Variants in CD163 observed in about 807,000 individuals in gnomAD.
CD163 encodes CD163 molecule.
A neutral mutation model predicts 129.2 loss-of-function variants in CD163; 64 were observed. That is an observed-to-expected ratio of 0.50 (90% CI 0.41 to 0.61). CD163 has a LOEUF of 0.61. Ranked by LOEUF, CD163 falls within the 20% of genes least tolerant of loss-of-function variation. CD163 has a pLI of 0.00. For missense variants in CD163, 1,061 were observed against 1,377.9 expected (o/e 0.77, Z 3.64); for synonymous variants, 446 against 478.5 (o/e 0.93, Z 0.89).
At position 7,501,453 on chromosome 12, in the gene CD163, T is replaced by G; in HGVS notation, c.143A>C (p.Asp48Ala). The G allele has an allele frequency of 6.2e-7, 1 of 1,613,370 alleles. No homozygotes were observed. The highest frequency in any genetic ancestry group is 8.5e-7 in the Non-Finnish European group (1 of 1,179,508). Residue 48 changes from aspartate to alanine, a missense_variant, in exon 3 of 17, where the codon GAC becomes GCC. Coordinates refer to ENST00000432237, the MANE Select transcript of CD163 (RefSeq NM_203416.4). ...ACCATCCACTAGCCTCAGCTCCTTG[T>G]CTGTTCCTCCTGCAACAATGGATTA... ...CFVTSSLGGTDKELRLVDGEN... is the reference protein window; with the variant it reads ...CFVTSSLGGTAKELRLVDGEN...
chr12:7,489,461 A>G (rs1428161788), intron 6 of CD163, among the ~76,000 whole-genome samples: 1 of 152,078 alleles, frequency 6.6e-6, no homozygotes, highest in Admixed American at 6.6e-5. Context: ...GATCCCTTAC[A>G]TAATTTCTTA....
chr12:7,492,236 A>T (rs1395247557), intron 6 of CD163, among the ~76,000 whole-genome samples: 1 of 152,220 alleles, frequency 6.6e-6, no homozygotes, highest in African/African-American at 2.4e-5. Context: ...CAAAAAGTGC[A>T]CATGGCAAAT....
Position 7,495,415 on chromosome 12 carries a change from ATAAACT to A in CD163, c.1100-20_1100-15del, listed in dbSNP as rs1313361931. 4 of 1,610,718 alleles carry A rather than the reference ATAAACT, an allele frequency of 2.5e-6. No individual in the cohort carries two copies. Among genetic ancestry groups the A allele is most frequent in the Non-Finnish European group, 3.4e-6 (4 of 1,177,138 alleles). The stretch of plus-strand genomic sequence containing the variant: ...GATCTGATCCATCTGCAAAAGAAAC[ATAAACT>A]TAAACCATCGATACATATGGAGGTT... On this transcript the variant is annotated splice_polypyrimidine_tract_variant and intron_variant, in intron 5 of 16. Transcript: ENST00000432237.
intron 13 of CD163, 89 bp downstream of exon 13, chr12:7,482,877 C>A: frequency 6.3e-7 from 1 of 1,584,584 alleles, no homozygotes; most frequent in Non-Finnish European, 8.6e-7. Flanking sequence ...AATATCAAAT[C>A]CTCAGAACGT....
chr12:7,480,229 A>T, intron 15 of CD163: 1 of 375,608 alleles, frequency 2.7e-6, no homozygotes, highest in Non-Finnish European at 4.7e-6. Context: ...TTTGGATGGA[A>T]GAAGTGAGGC....
chr12:7,498,578 T>G (rs1162762263), intron 4 of CD163, among the ~76,000 whole-genome samples: 1 of 152,178 alleles, frequency 6.6e-6, no homozygotes, highest in East Asian at 1.9e-4. Context: ...CTTTTTCCCC[T>G]CTTTTTCTTT....
At position 7,486,553 on chromosome 12, in the gene CD163, C is replaced by A; in HGVS notation, c.2404G>T (p.Gly802Cys). 1.9e-6 allele frequency: 3 copies of A among 1,614,232 alleles called. No homozygotes were observed. Among genetic ancestry groups the A allele is most frequent in the Non-Finnish European group, 2.5e-6 (3 of 1,180,026 alleles). Reference protein sequence around the residue: ...ESRIWQCHSHGWGQQNCRHKE... With the variant: ...ESRIWQCHSHCWGQQNCRHKE... The stretch of plus-strand genomic sequence containing the variant: ...TGCCTGCAATTTTGCTGCCCCCAGC[C>A]GTGTGAATGGCACTGCCAAATGCGG... The change falls in exon 10 of 17, where the codon GGC (glycine) becomes TGC (cysteine). Residue 802 changes from glycine to cysteine, a missense_variant. Gly to Cys is a radical substitution (Grantham distance 159, BLOSUM62 -3). Transcript: ENST00000432237.
At chr12:7,502,729 A>C in intron 1 of CD163, 165 bp from the exon 2 acceptor site, 1 of 647,178 alleles carries the variant, frequency 1.5e-6, no homozygotes. Context: ...AGGCTCATAT[A>C]GTTTCAGTGA....
intron 10 of CD163, among the ~76,000 whole-genome samples, chr12:7,486,190 A>C (rs547904573): frequency 9.7e-4 from 147 of 152,320 alleles, no homozygotes; most frequent in Non-Finnish European, 1.7e-3. Flanking sequence ...TGTAATTATC[A>C]AGTGTTGCTA....
chr12:7,495,346 T>A lies in CD163; in HGVS notation c.1155A>T (p.Thr385=). Residue 385 remains threonine, a synonymous_variant, in exon 6 of 17, where the codon ACA becomes ACT. Transcript: ENST00000432237. The stretch of plus-strand genomic sequence containing the variant: ...ACAGTCTCTGAATCTCCACCTCAAC[T>A]GTCCCAGCACAGCGGCTGCCTCCAC... ...LRGGGSRCAG[T]VEVEIQRLLG... The A allele has an allele frequency of 1.9e-6, 3 of 1,614,138 alleles. No individual in the cohort carries two copies. The highest frequency in any genetic ancestry group is 2.5e-6 in the Non-Finnish European group (3 of 1,180,000).
chr12:7,482,058 A>T (rs2136696415), intron 14 of CD163, among the ~76,000 whole-genome samples: 1 of 152,254 alleles, frequency 6.6e-6, no homozygotes, highest in African/African-American at 2.4e-5. Flanking sequence ...AAATGGCTAC[A>T]TTGTAGTGTA....
At chr12:7,476,894 G>A (rs1007863838) in intron 16 of CD163, among the ~76,000 whole-genome samples, 24 of 151,830 alleles carry the variant, frequency 1.6e-4, no homozygotes, top group Non-Finnish European at 3.2e-4. Flanking sequence ...ATCTACAAGA[G>A]AAACACAAAC....
At chr12:7,473,823 G>A (rs1404245699) in intron 16 of CD163, among the ~76,000 whole-genome samples, 2 of 152,064 alleles carry the variant, frequency 1.3e-5, no homozygotes, top group African/African-American at 2.4e-5. Context: ...GCTGTATTCA[G>A]GAGACCCACC....
chr12:7,475,113 A>G (rs1030013489), intron 16 of CD163, among the ~76,000 whole-genome samples: 2 of 150,436 alleles, frequency 1.3e-5, no homozygotes, highest in African/African-American at 4.9e-5. Flanking sequence ...AAAAAAAAAA[A>G]AAAAACCATG....
intron 5 of CD163, 105 bp from the exon 6 acceptor site, chr12:7,495,506 A>T: frequency 5.3e-6 from 5 of 940,940 alleles, no homozygotes; most frequent in Non-Finnish European, 7.9e-6. Context: ...ATTGAAAATT[A>T]TAGGTAACTT....
chr12:7,493,844 T>TA (rs770239298), intron 6 of CD163, among the ~76,000 whole-genome samples: 2 of 151,722 alleles, frequency 1.3e-5, no homozygotes, highest in Admixed American at 6.6e-5. Flanking sequence ...AATGGTTTTT[T>TA]AAAAAAAAAT....
At chr12:7,490,673 C>T (rs928923722) in intron 6 of CD163, among the ~76,000 whole-genome samples, 19 of 151,964 alleles carry the variant, frequency 1.3e-4, no homozygotes, top group African/African-American at 4.6e-4. Context: ...CCTTTCATCT[C>T]TCATAAACCT....
At chr12:7,489,700 G>T (rs1008552843) in intron 6 of CD163, among the ~76,000 whole-genome samples, 16 of 151,998 alleles carry the variant, frequency 1.1e-4, no homozygotes, top group Non-Finnish European at 2.1e-4. Flanking sequence ...TGTAATTCCT[G>T]TGAGGTAGGC....
Position 7,483,661 on chromosome 12 carries a change from GAA to G in CD163, c.2792_2793del (p.Leu931ProfsTer24). The G allele has an allele frequency of 6.2e-7, 1 of 1,611,072 alleles. No homozygotes were observed. The highest frequency in any genetic ancestry group is 2.2e-5 in the East Asian group (1 of 44,742). ...CCAGAACAGGAAGTGGGTCCTTCCT[GAA>G]GTCTTATCTTGTCTGAAAAATCAGA... is the stretch of plus-strand genomic sequence containing the variant. Reference protein sequence around the residue: ...TWITCDNKIRLQEGPTSCSGR... With the variant: ...TWITCDNKIRXQEGPTSCSGR... On this transcript the variant is annotated frameshift_variant, in exon 12 of 17. Transcript: ENST00000432237. LOFTEE classifies it high-confidence loss of function.
Sources: allele counts gnomAD v4.1 joint callset (sites outside exome capture counted in the v4.1 genomes callset), GRCh38; gene constraint gnomAD v4.1.1; transcripts MANE v1.5; gene names NCBI Gene and HGNC (gene_info 2026-07-23, HGNC 2026-07-21).